The following JARID2 variants were observed in gnomAD, a reference collection of about 807,000 sequenced individuals.
JARID2 encodes protein Jumonji.
JARID2 carries 21 observed loss-of-function variants against 125.6 expected under a neutral mutation model. The observed-to-expected ratio is 0.17, with a 90% CI of 0.12 to 0.24. The LOEUF is 0.24. Ranked by LOEUF, JARID2 falls within the 10% of genes least tolerant of loss-of-function variation. The probability of loss-of-function intolerance (pLI) is 1.00; values close to 1 mark genes in which losing one functional copy is unlikely to be tolerated. For synonymous variants in JARID2, 736 were observed against 661.6 expected (o/e 1.11, Z -1.73); for missense variants, 1,303 against 1,639.6 (o/e 0.79, Z 3.55).
At chr6:15,401,154 C>CTATATATATA (rs140011539) in intron 2 of JARID2, 3 of 808,708 alleles carry the variant, frequency 3.7e-6, no homozygotes, top group African/African-American at 3.8e-5. Flanking sequence ...TGGCAAGGTG[C>CTATATATATA]TATATATATA....
chr6:15,446,627 ATCCCATACAC>A lies in JARID2; in HGVS notation c.324-5361_324-5352del, dbSNP rs112401476. 8.2e-3 allele frequency among the ~76,000 whole-genome samples: 1,247 copies of A among 152,280 alleles called. 17 individuals are homozygous for A. The highest frequency in any genetic ancestry group is 0.028 in the African/African-American group (1,156 of 41,550). On this transcript the variant is annotated intron_variant, in intron 3 of 17. Coordinates refer to ENST00000341776, the MANE Select transcript of JARID2 (RefSeq NM_004973.4). ...TGCCACATAAAATACACTCTATGGG[ATCCCATACAC>A]TCCCATACACTCCCATATACTCTAT...
At chr6:15,327,122 T>C (rs942551382) in intron 1 of JARID2, among the ~76,000 whole-genome samples, 11 of 152,236 alleles carry the variant, frequency 7.2e-5, no homozygotes, top group Admixed American at 2.6e-4. Flanking sequence ...GGGATCTTTT[T>C]TCTCCCCTTT....
chr6:15,393,558 A>G (rs1028106584), intron 2 of JARID2, among the ~76,000 whole-genome samples: 5 of 152,230 alleles, frequency 3.3e-5, no homozygotes, highest in Admixed American at 2.6e-4. Context: ...TTGTGGAAAA[A>G]TTCAAGATTT....
At chr6:15,473,516 C>T (rs182236043) in intron 5 of JARID2, among the ~76,000 whole-genome samples, 149 of 13,144 alleles carry the variant, frequency 0.011, 7 homozygotes, top group Non-Finnish European at 0.074. Context: ...ATGTGCGTGC[C>T]CCCCCCCCCC....
intron 3 of JARID2, among the ~76,000 whole-genome samples, chr6:15,429,740 AG>A (rs1371557883): frequency 6.6e-6 from 1 of 152,160 alleles, no homozygotes; most frequent in African/African-American, 2.4e-5. Flanking sequence ...GAAAGAACCG[AG>A]TACACGTTTT....
chr6:15,286,688 G>A (rs1287179782), intron 1 of JARID2, among the ~76,000 whole-genome samples: 2 of 151,706 alleles, frequency 1.3e-5, no homozygotes, highest in Non-Finnish European at 2.9e-5. Context: ...GTGAAACCCC[G>A]TCTCTAATAA....
At chr6:15,265,227 C>G (rs1454729714) in intron 1 of JARID2, among the ~76,000 whole-genome samples, 1 of 152,086 alleles carries the variant, frequency 6.6e-6, no homozygotes, top group Admixed American at 6.6e-5. Flanking sequence ...GTAATGTTGG[C>G]CGGATCCAGC....
chr6:15,470,006 G>A (rs1022597348), intron 5 of JARID2, among the ~76,000 whole-genome samples: 3 of 151,938 alleles, frequency 2.0e-5, no homozygotes, highest in African/African-American at 4.8e-5. Context: ...GTGAAACCCC[G>A]TCTCTACTAA....
At chr6:15,381,817 A>ATGT in intron 2 of JARID2, among the ~76,000 whole-genome samples, 1 of 152,354 alleles carries the variant, frequency 6.6e-6, no homozygotes, top group East Asian at 1.9e-4. Flanking sequence ...CCCTTCTAAG[A>ATGT]TGTCATTGAG....
intron 1 of JARID2, among the ~76,000 whole-genome samples, chr6:15,267,621 T>G (rs1399557435): frequency 6.6e-6 from 1 of 152,210 alleles, no homozygotes; most frequent in African/African-American, 2.4e-5. Flanking sequence ...TAACTCCTTA[T>G]GAAGGATATT....
chr6:15,452,494 A>G (rs919529410), intron 4 of JARID2, among the ~76,000 whole-genome samples: 1 of 152,290 alleles, frequency 6.6e-6, no homozygotes, highest in South Asian at 2.1e-4. Context: ...CTTGACACAC[A>G]CACATTGCTG....
rs1765825585 is a variant in JARID2, at chr6:15,410,378, G to A, written c.323+13G>A. 1.2e-6 allele frequency: 2 copies of A among 1,612,526 alleles called. No individual in the cohort carries two copies. Among genetic ancestry groups the A allele is most frequent in the Non-Finnish European group, 1.7e-6 (2 of 1,178,872 alleles). On this transcript the variant is annotated intron_variant, in intron 3 of 17. Coordinates refer to ENST00000341776, the MANE Select transcript of JARID2 (RefSeq NM_004973.4). ...CGTCGAGGAAAAGGTTAGTACCCAA[G>A]GCTGAAAATATTGGTACCTTCAACC...
At chr6:15,451,828 C>T (rs1048724373) in intron 3 of JARID2, among the ~76,000 whole-genome samples, 178 bp from the exon 4 acceptor site, 5 of 152,046 alleles carry the variant, frequency 3.3e-5, no homozygotes, top group African/African-American at 7.2e-5. Context: ...AAATTTATTG[C>T]GCTTGAAAGT....
chr6:15,469,304 G>GTCTCTGTCTCTC (rs1768913936), intron 5 of JARID2, among the ~76,000 whole-genome samples: 1 of 55,826 alleles, frequency 1.8e-5, no homozygotes, highest in African/African-American at 9.1e-5. Context: ...CTCTGTCTCT[G>GTCTCTGTCTCTC]TCTCTCTCTC....
intron 3 of JARID2, among the ~76,000 whole-genome samples, chr6:15,450,552 A>G (rs1004012101): frequency 2.0e-5 from 3 of 152,128 alleles, no homozygotes; most frequent in Admixed American, 6.5e-5. Context: ...GATGAGGTCT[A>G]TTTCAATCCC....
chr6:15,253,978 T>G (rs1759555887), intron 1 of JARID2, among the ~76,000 whole-genome samples: 1 of 152,076 alleles, frequency 6.6e-6, no homozygotes, highest in African/African-American at 2.4e-5. Context: ...GAACGATCAG[T>G]GGAGCCCCAA....
intron 1 of JARID2, among the ~76,000 whole-genome samples, chr6:15,256,922 C>T (rs567597759): frequency 1.3e-5 from 2 of 152,258 alleles, no homozygotes; most frequent in African/African-American, 2.4e-5. Flanking sequence ...ATTTCGAGTA[C>T]TACTTAGTAG....
At chr6:15,409,968 G>A (rs1045615976) in intron 2 of JARID2, among the ~76,000 whole-genome samples, 7 of 152,172 alleles carry the variant, frequency 4.6e-5, no homozygotes, top group South Asian at 2.1e-4. Context: ...CTGAAGTATA[G>A]TGTTACAGTT....
In JARID2 at chr6:15,357,910, TTCCACCG is replaced by T. The variant is rs1763659829; in HGVS notation, c.46-16204_46-16198del. Among the ~76,000 whole-genome samples, 7 of 152,336 alleles carry T rather than the reference TTCCACCG, an allele frequency of 4.6e-5. No homozygotes were observed. In the South Asian group the frequency reaches 1.5e-3, roughly 32 times the overall value. ...TTCTTTGTATCACACTGACAAGCAATTCCACCGTCTTCTGAGTTTACTGTTGTCCATG... is the reference window on the plus strand; with the variant it reads ...TTCTTTGTATCACACTGACAAGCAATTCTTCTGAGTTTACTGTTGTCCATG... On this transcript the variant is annotated intron_variant, in intron 1 of 17. Coordinates refer to ENST00000341776, the MANE Select transcript of JARID2 (RefSeq NM_004973.4).
Sources: gnomAD v4.1 joint callset for allele counts (sites outside exome capture counted in the v4.1 genomes callset) on GRCh38, gnomAD v4.1.1 for gene constraint, MANE v1.5 for transcripts, NCBI Gene and HGNC (gene_info 2026-07-23, HGNC 2026-07-21) for gene names.